Variants in PDZD2 observed in about 807,000 individuals in gnomAD.
PDZD2 encodes the protein PDZ domain containing 2.
PDZD2 carries 90 observed loss-of-function variants against 220.7 expected under a neutral mutation model. The ratio of observed to expected loss-of-function variants is 0.41; its 90% CI spans 0.34 to 0.49. The LOEUF is 0.49. PDZD2 is among the 20% of genes least tolerant of loss of function. The probability of loss-of-function intolerance (pLI) is 0.28; values close to 1 mark genes in which losing one functional copy is unlikely to be tolerated. For synonymous variants in PDZD2, 1,375 were observed against 1,450.5 expected (o/e 0.95, Z 1.18); for missense variants, 3,174 against 3,608.5 (o/e 0.88, Z 3.08).
Position 32,093,007 on chromosome 5 carries a change from G to A in PDZD2, c.7828G>A (p.Ala2610Thr). The change falls in exon 21 of 25, where the codon GCG becomes ACG. Residue 2610 changes from alanine (A) to threonine (T), a missense_variant. Transcript: ENST00000438447. ...KSTILTLIQE[A>T]KAQSENEEDV... ...TACCATCCTAACTCTCATTCAGGAA[G>A]CGAAAGCACAATCAGAGGTGAGTGA... 6.4e-7 allele frequency: 1 copy of A among 1,560,044 alleles called. No individual in the cohort carries two copies. Among genetic ancestry groups the A allele is most frequent in the African/African-American group, 1.4e-5 (1 of 73,666 alleles).
intron 1 of PDZD2, among the ~76,000 whole-genome samples, chr5:31,768,735 T>C (rs1752173388): frequency 6.6e-6 from 1 of 151,912 alleles, no homozygotes. Flanking sequence ...ATTGAGCAGC[T>C]CTTCAGTGAT....
chr5:31,974,663 G>A (rs925254432), intron 2 of PDZD2, among the ~76,000 whole-genome samples: 1 of 152,182 alleles, frequency 6.6e-6, no homozygotes, highest in Non-Finnish European at 1.5e-5. Context: ...CAGAGTATCA[G>A]CATATTTGCA....
At chr5:32,065,972 C>G (rs550138549) in intron 14 of PDZD2, among the ~76,000 whole-genome samples, 17 of 150,016 alleles carry the variant, frequency 1.1e-4, no homozygotes, top group African/African-American at 4.2e-4. Context: ...TGCAGTGAGC[C>G]GAGATCGCAC....
intron 1 of PDZD2, among the ~76,000 whole-genome samples, chr5:31,758,879 A>G (rs1251121757): frequency 3.9e-5 from 6 of 152,150 alleles, no homozygotes; most frequent in Admixed American, 3.9e-4. Context: ...GAGCAAAAAA[A>G]GTGTTAGAGA....
At chr5:31,887,933 G>A (rs540237275) in intron 2 of PDZD2, among the ~76,000 whole-genome samples, 27 of 152,152 alleles carry the variant, frequency 1.8e-4, no homozygotes, top group Admixed American at 2.6e-4. Context: ...GGCGAGAGTC[G>A]GGGAGGGAGT....
chr5:31,853,369 A>G (rs1758173019), intron 2 of PDZD2, among the ~76,000 whole-genome samples: 1 of 152,296 alleles, frequency 6.6e-6, no homozygotes, highest in East Asian at 1.9e-4. Context: ...AAACTTCTTG[A>G]AATAAATCTT....
intron 1 of PDZD2, among the ~76,000 whole-genome samples, chr5:31,683,226 G>A (rs200051840): frequency 0.021 from 2,076 of 100,766 alleles, 44 homozygotes; most frequent in African/African-American, 0.05. Context: ...AAAAAAAAAA[G>A]AAAGAAAGAA....
chr5:31,686,393 C>G (rs1746863977), intron 1 of PDZD2, among the ~76,000 whole-genome samples: 1 of 150,910 alleles, frequency 6.6e-6, no homozygotes, highest in Non-Finnish European at 1.5e-5. Flanking sequence ...GAGACGGAGT[C>G]TCACTCTGTT....
chr5:31,720,052 G>C (rs1748696830), intron 1 of PDZD2, among the ~76,000 whole-genome samples: 1 of 152,242 alleles, frequency 6.6e-6, no homozygotes, highest in South Asian at 2.1e-4. Context: ...ACCAATGCTG[G>C]ATGCTGAGTA....
At chr5:31,755,077 G>A (rs1055456594) in intron 1 of PDZD2, among the ~76,000 whole-genome samples, 3 of 152,142 alleles carry the variant, frequency 2.0e-5, no homozygotes, top group Non-Finnish European at 4.4e-5. Flanking sequence ...GGCAGCACAG[G>A]CAATGACAGG....
chr5:32,068,036 T>TTCCA (rs1243088301), intron 14 of PDZD2, among the ~76,000 whole-genome samples: 1 of 152,136 alleles, frequency 6.6e-6, no homozygotes, highest in Non-Finnish European at 1.5e-5. Flanking sequence ...ATCTGGCAAA[T>TTCCA]TCCATCCCTA....
intron 2 of PDZD2, among the ~76,000 whole-genome samples, chr5:31,932,360 C>T (rs1745369009): frequency 6.6e-6 from 1 of 152,056 alleles, no homozygotes; most frequent in Non-Finnish European, 1.5e-5. Flanking sequence ...ACCAGCCTGG[C>T]CAACATGGTG....
chr5:31,910,822 G>A (rs1450953812), intron 2 of PDZD2, among the ~76,000 whole-genome samples: 4 of 151,866 alleles, frequency 2.6e-5, no homozygotes, highest in Non-Finnish European at 5.9e-5. Flanking sequence ...GAGCCACCAC[G>A]CCCAGCCAGT....
At chr5:32,053,664 A>T in intron 9 of PDZD2, 105 bp from the exon 10 acceptor site, 2 of 722,340 alleles carry the variant, frequency 2.8e-6, no homozygotes, top group Non-Finnish European at 5.0e-6. Context: ...CTTCAGTTAA[A>T]TACTACAATG....
chr5:31,922,777 C>G (rs1229189393), intron 2 of PDZD2, among the ~76,000 whole-genome samples: 1 of 152,094 alleles, frequency 6.6e-6, no homozygotes, highest in Non-Finnish European at 1.5e-5. Context: ...CCTCCGGGCT[C>G]AAGTGACTCT....
intron 7 of PDZD2, among the ~76,000 whole-genome samples, chr5:32,045,615 G>T (rs1338845636): frequency 4.0e-5 from 6 of 149,412 alleles, no homozygotes; most frequent in African/African-American, 1.5e-4. Flanking sequence ...TTTTAGTAGA[G>T]ATAGGGTTTC....
chr5:31,823,235 G>A (rs1379699052), intron 2 of PDZD2: 4 of 349,806 alleles, frequency 1.1e-5, no homozygotes, highest in Non-Finnish European at 2.2e-5. Context: ...GGGAGGCCAA[G>A]GCAGGTAGAT....
At chr5:31,815,245 C>CAAAAAAAAAAAAAAAAAAAAAAAA (rs59040987) in intron 2 of PDZD2, among the ~76,000 whole-genome samples, 12 of 57,936 alleles carry the variant, frequency 2.1e-4, no homozygotes, top group African/African-American at 6.8e-4. Flanking sequence ...AACTCTGTCT[C>CAAAAAAAAAAAAAAAAAAAAAAAA]AAAAAAAAAA....
In PDZD2 at chr5:31,983,674, T is replaced by A. The variant is rs77343178; in HGVS notation, c.978+18T>A. The A allele has an allele frequency of 1.2e-3, 1,988 of 1,597,288 alleles. 21 individuals carry two copies. The African/African-American group carries it at 0.023, about 19-fold the overall frequency. On this transcript the variant is annotated intron_variant, in intron 3 of 24. Transcript: ENST00000438447. Reference sequence around the variant, plus strand: ...TGGCACGGGTAAGGTTTGGTTTGATTATGGAACCAGAATTTTATTTATCGT... The same window carrying A: ...TGGCACGGGTAAGGTTTGGTTTGATAATGGAACCAGAATTTTATTTATCGT...
Sources: allele counts gnomAD v4.1 joint callset (sites outside exome capture counted in the v4.1 genomes callset), GRCh38; gene constraint gnomAD v4.1.1; transcripts MANE v1.5; gene names NCBI Gene and HGNC (gene_info 2026-07-23, HGNC 2026-07-21).